Variants in CAMTA1 observed in about 807,000 individuals in gnomAD.
CAMTA1 encodes calmodulin-binding transcription activator 1.
Under a neutral mutation model 170.9 loss-of-function variants are expected in CAMTA1, and 27 were observed. That is an observed-to-expected ratio of 0.16 (90% CI 0.12 to 0.22). CAMTA1 has a LOEUF of 0.22. Among genes scored for constraint, CAMTA1 ranks in the 10% least tolerant of loss-of-function variants. CAMTA1 has a pLI of 1.00. For missense variants in CAMTA1, 1,619 were observed against 2,217.2 expected (o/e 0.73, Z 5.42); for synonymous variants, 833 against 891.5 (o/e 0.93, Z 1.17).
At chr1:7,670,753 C>T (rs527580897) in intron 9 of CAMTA1, among the ~76,000 whole-genome samples, 158 bp from the exon 10 acceptor site, 69 of 152,254 alleles carry the variant, frequency 4.5e-4, no homozygotes, top group African/African-American at 1.6e-3. Context: ...TCTCAGAAGT[C>T]GGGGCTCACT....
chr1:6,790,285 G>A (rs1020078649), intron 1 of CAMTA1, among the ~76,000 whole-genome samples: 1 of 151,972 alleles, frequency 6.6e-6, no homozygotes, highest in Admixed American at 6.6e-5. Context: ...CAGGAGTGGG[G>A]GTGGTGAAGA....
At chr1:6,901,677 T>G (rs1046391289) in intron 3 of CAMTA1, among the ~76,000 whole-genome samples, 2 of 152,170 alleles carry the variant, frequency 1.3e-5, no homozygotes, top group Non-Finnish European at 2.9e-5. Context: ...TGGTACACAG[T>G]TACTAGGGTA....
chr1:6,801,873 T>A (rs1278969645), intron 1 of CAMTA1, among the ~76,000 whole-genome samples: 1 of 151,896 alleles, frequency 6.6e-6, no homozygotes, highest in Non-Finnish European at 1.5e-5. Context: ...AGAAAGTGAT[T>A]TTTAGGTGAG....
chr1:7,229,369 A>G (rs571655852), intron 4 of CAMTA1, among the ~76,000 whole-genome samples: 1 of 144,704 alleles, frequency 6.9e-6, no homozygotes, highest in South Asian at 2.4e-4. Flanking sequence ...GGAGGCCAGG[A>G]CAATGGACTG....
At chr1:7,624,051 T>G (rs1256565001) in intron 6 of CAMTA1, among the ~76,000 whole-genome samples, 1 of 152,232 alleles carries the variant, frequency 6.6e-6, no homozygotes, top group East Asian at 1.9e-4. Context: ...CACAAATGCT[T>G]TCTTTGCAAA....
At chr1:6,901,003 G>GGAAGT (rs1676816291) in intron 3 of CAMTA1, among the ~76,000 whole-genome samples, 1 of 152,184 alleles carries the variant, frequency 6.6e-6, no homozygotes, top group Non-Finnish European at 1.5e-5. Context: ...TTCCTGTAAT[G>GGAAGT]CTACAGTAAT....
rs1019130907 is a variant in CAMTA1, at chr1:7,635,478, G to A, written c.511-4922G>A. Among the ~76,000 whole-genome samples the A allele has an allele frequency of 6.6e-6, 1 of 151,996 alleles. No individual in the cohort carries two copies. On this transcript the variant is annotated intron_variant, in intron 6 of 22. Coordinates refer to ENST00000303635, the MANE Select transcript of CAMTA1 (RefSeq NM_015215.4). This position sits in a 1 kb window ranked among gnomAD's most constrained non-coding sequence, Gnocchi z 4.4. ...AAAACAATTAGCGGGGCACTGTGGC[G>A]GGCGCCTGTACTCCCAGCTACTCCA...
At chr1:7,752,605 C>G (rs758252566) in intron 21 of CAMTA1, 72 bp downstream of exon 21, 10 of 1,177,830 alleles carry the variant, frequency 8.5e-6, no homozygotes, top group African/African-American at 3.1e-5. Flanking sequence ...TTAACCCTCA[C>G]TAACTCCTAT....
intron 6 of CAMTA1, among the ~76,000 whole-genome samples, chr1:7,503,200 A>T (rs780969757): frequency 1.7e-4 from 26 of 152,182 alleles, no homozygotes; most frequent in Non-Finnish European, 3.2e-4. Flanking sequence ...GACGATCAGA[A>T]AAGTGCCCCG....
intron 6 of CAMTA1, among the ~76,000 whole-genome samples, chr1:7,471,922 C>T (rs955143622): frequency 3.9e-5 from 6 of 152,250 alleles, no homozygotes; most frequent in Non-Finnish European, 8.8e-5. Flanking sequence ...GGCCCCCATT[C>T]CAGGCCAGAC....
intron 4 of CAMTA1, among the ~76,000 whole-genome samples, chr1:7,105,500 G>A (rs1274916150): frequency 2.0e-5 from 3 of 152,194 alleles, no homozygotes; most frequent in Non-Finnish European, 4.4e-5. Flanking sequence ...GCGGATCTGC[G>A]GCCTTTTCCT....
At chr1:6,931,718 C>G (rs1684446681) in intron 3 of CAMTA1, among the ~76,000 whole-genome samples, 1 of 152,216 alleles carries the variant, frequency 6.6e-6, no homozygotes, top group African/African-American at 2.4e-5. Context: ...CACATACCCC[C>G]ACATGCCTGC....
chr1:7,036,118 C>A (rs901410988), intron 3 of CAMTA1, among the ~76,000 whole-genome samples: 1 of 152,044 alleles, frequency 6.6e-6, no homozygotes, highest in Admixed American at 6.6e-5. Context: ...ATGAGATGGG[C>A]AGGTACAGAG....
At position 7,767,206 on chromosome 1, in the gene CAMTA1, T is replaced by C. The variant is rs1461143708; in HGVS notation, c.*715T>C. 1 of 152,572 alleles carries C rather than the reference T, an allele frequency of 6.6e-6. No individual in the cohort carries two copies. Among genetic ancestry groups the C allele is most frequent in the Admixed American group, 6.6e-5 (1 of 15,262 alleles). 9.5% of individuals were successfully genotyped at this position (152,572 alleles called of 1,614,324 possible). A position where few individuals can be genotyped will look rare whatever the true frequency, so the allele number is the denominator to read the frequency against. On this transcript the variant is annotated 3_prime_UTR_variant, in exon 23 of 23. Coordinates refer to ENST00000303635, the MANE Select transcript of CAMTA1 (RefSeq NM_015215.4). The stretch of plus-strand genomic sequence containing the variant: ...AAATAATGAGAAGCAGCTCACAGAG[T>C]TTAAACTATTTTCTTGTCCCCACCA...
intron 3 of CAMTA1, among the ~76,000 whole-genome samples, chr1:7,029,122 A>G (rs947595181): frequency 4.6e-5 from 7 of 152,192 alleles, no homozygotes; most frequent in African/African-American, 1.7e-4. Flanking sequence ...AACAAGGATT[A>G]TAGTTTGAGT....
intron 4 of CAMTA1, among the ~76,000 whole-genome samples, chr1:7,137,293 G>A (rs1358162091): frequency 6.6e-6 from 1 of 152,088 alleles, no homozygotes; most frequent in African/African-American, 2.4e-5. Flanking sequence ...TGAACTGTTG[G>A]TAGAGCCCTC....
chr1:7,376,701 A>G (rs845214), intron 5 of CAMTA1, among the ~76,000 whole-genome samples: 141,910 of 152,242 alleles, frequency 0.93, 66,216 homozygotes, highest in East Asian at 1. Flanking sequence ...GGTTGTGAAC[A>G]TGGAGGATGG....
chr1:7,564,836 A>T (rs577570749), intron 6 of CAMTA1, among the ~76,000 whole-genome samples: 1 of 152,142 alleles, frequency 6.6e-6, no homozygotes, highest in African/African-American at 2.4e-5. Context: ...AGGCAGAAAA[A>T]AGGAGAGTTG....
chr1:6,830,746 AC>A (rs1168472364), intron 3 of CAMTA1, among the ~76,000 whole-genome samples: 1 of 152,116 alleles, frequency 6.6e-6, no homozygotes, highest in Non-Finnish European at 1.5e-5. Context: ...TGGTGAAACT[AC>A]CTCCAAAATC....
Sources: allele counts gnomAD v4.1 joint callset (sites outside exome capture counted in the v4.1 genomes callset), GRCh38; gene constraint gnomAD v4.1.1; non-coding constraint Gnocchi (gnomAD v3.1); transcripts MANE v1.5; gene names NCBI Gene and HGNC (gene_info 2026-07-23, HGNC 2026-07-21).